CNTN5: variants seen among roughly 807,000 people sequenced by gnomAD.
CNTN5 encodes the protein contactin-5.
Under a neutral mutation model 129.1 loss-of-function variants are expected in CNTN5, and 77 were observed. The ratio of observed to expected loss-of-function variants is 0.60; its 90% CI spans 0.50 to 0.72. CNTN5 has a LOEUF of 0.72. Ranked by LOEUF, CNTN5 falls within the 30% of genes least tolerant of loss-of-function variation. The pLI, the probability that CNTN5 is intolerant of heterozygous loss-of-function variation, is 0.00. For synonymous variants in CNTN5, 509 were observed against 465.6 expected (o/e 1.09, Z -1.20); for missense variants, 1,478 against 1,328.8 (o/e 1.11, Z -1.75).
chr11:99,735,180 A>T (rs547487623), intron 3 of CNTN5, among the ~76,000 whole-genome samples: 1 of 151,554 alleles, frequency 6.6e-6, no homozygotes, highest in Non-Finnish European at 1.5e-5. Context: ...TTTAGAAGAG[A>T]TTACGTTCTA....
chr11:99,771,470 A>G (rs1046707579), intron 3 of CNTN5, among the ~76,000 whole-genome samples: 2 of 152,080 alleles, frequency 1.3e-5, no homozygotes, highest in African/African-American at 4.8e-5. Context: ...ATTTGGCCAT[A>G]ACAAGCAAGA....
At position 99,882,510 on chromosome 11, in the gene CNTN5, C is replaced by A. The variant is rs1056593558; in HGVS notation, c.578-33544C>A. Reference sequence around the variant, plus strand: ...CAGCAGTAAAACATTCTGAGTAAATCTGAACACAATTTTGAGAACAAGAGA... The same window carrying A: ...CAGCAGTAAAACATTCTGAGTAAATATGAACACAATTTTGAGAACAAGAGA... On this transcript the variant is annotated intron_variant, in intron 6 of 24. Coordinates refer to ENST00000524871, the MANE Select transcript of CNTN5 (RefSeq NM_014361.4). Among the ~76,000 whole-genome samples, 12 of 152,100 alleles carry A rather than the reference C, an allele frequency of 7.9e-5. 1 individual carries two copies. The highest frequency in any genetic ancestry group is 1.6e-4 in the Non-Finnish European group (11 of 68,016).
chr11:99,203,645 A>C (rs1044164474), intron 1 of CNTN5, among the ~76,000 whole-genome samples: 2 of 151,844 alleles, frequency 1.3e-5, no homozygotes, highest in East Asian at 3.9e-4. Context: ...GTTGGAGTGC[A>C]ATGGCGTGAT....
chr11:99,648,345 T>TAAGTAGTATAGACAGTGTG, intron 3 of CNTN5, among the ~76,000 whole-genome samples: 1 of 151,830 alleles, frequency 6.6e-6, no homozygotes, highest in African/African-American at 2.4e-5. Flanking sequence ...ATCAGGTAAA[T>TAAGTAGTATAGACAGTGTG]GCAAATGAAA....
At chr11:99,683,607 G>C (rs144129912) in intron 3 of CNTN5, among the ~76,000 whole-genome samples, 1 of 151,768 alleles carries the variant, frequency 6.6e-6, no homozygotes, top group Non-Finnish European at 1.5e-5. Flanking sequence ...CATTTTGCCT[G>C]ATCTGGGTAA....
chr11:99,167,919 T>A (rs996544459), intron 1 of CNTN5, among the ~76,000 whole-genome samples: 2 of 151,768 alleles, frequency 1.3e-5, no homozygotes, highest in South Asian at 4.2e-4. Flanking sequence ...AGCCTATTTT[T>A]AAAAATTTAT....
intron 1 of CNTN5, among the ~76,000 whole-genome samples, chr11:99,052,591 C>T (rs1276664685): frequency 6.6e-6 from 1 of 151,812 alleles, no homozygotes; most frequent in Non-Finnish European, 1.5e-5. Context: ...ATATCCCTAT[C>T]ATTTCGTGAA....
intron 3 of CNTN5, among the ~76,000 whole-genome samples, chr11:99,643,098 C>A (rs1951828968): frequency 6.6e-6 from 1 of 152,040 alleles, no homozygotes; most frequent in Non-Finnish European, 1.5e-5. Context: ...GATTTTATTT[C>A]CTTTGGATAT....
At chr11:99,181,653 A>G (rs113269258) in intron 1 of CNTN5, among the ~76,000 whole-genome samples, 1 of 152,184 alleles carries the variant, frequency 6.6e-6, no homozygotes, top group Non-Finnish European at 1.5e-5. Context: ...AATAACAAAA[A>G]TGGAGGGGAG....
chr11:99,333,645 AG>A (rs1866095496), intron 2 of CNTN5, among the ~76,000 whole-genome samples: 1 of 152,032 alleles, frequency 6.6e-6, no homozygotes, highest in African/African-American at 2.4e-5. Flanking sequence ...CAAATCTCTG[AG>A]ATTTTATTTG....
intron 3 of CNTN5, among the ~76,000 whole-genome samples, chr11:99,769,648 G>T (rs184250312): frequency 6.6e-6 from 1 of 152,012 alleles, no homozygotes; most frequent in African/African-American, 2.4e-5. Flanking sequence ...AGCAGCCTGG[G>T]AAACATAGCG....
intron 2 of CNTN5, among the ~76,000 whole-genome samples, chr11:99,346,871 T>C (rs1195529877): frequency 1.3e-5 from 2 of 152,152 alleles, no homozygotes; most frequent in East Asian, 1.9e-4. Context: ...CGTTACCAGA[T>C]ACTGAAGCTG....
chr11:99,480,305 C>A (rs1945542272), intron 2 of CNTN5, among the ~76,000 whole-genome samples: 1 of 152,156 alleles, frequency 6.6e-6, no homozygotes, highest in Non-Finnish European at 1.5e-5. Flanking sequence ...TGTGGAACTG[C>A]CAGTAAGTAG....
intron 3 of CNTN5, among the ~76,000 whole-genome samples, chr11:99,582,577 C>T (rs959008370): frequency 9.2e-5 from 14 of 152,232 alleles, no homozygotes; most frequent in East Asian, 3.9e-4. Flanking sequence ...TCATTCATTT[C>T]GTCTTCCATC....
intron 13 of CNTN5, among the ~76,000 whole-genome samples, chr11:100,123,665 AG>A (rs1222854286): frequency 6.6e-6 from 1 of 152,062 alleles, no homozygotes; most frequent in Non-Finnish European, 1.5e-5. Flanking sequence ...AAATGCTTTG[AG>A]GAACAGAAAA....
At chr11:100,014,189 A>G (rs1476004286) in intron 9 of CNTN5, among the ~76,000 whole-genome samples, 3 of 152,156 alleles carry the variant, frequency 2.0e-5, no homozygotes, top group African/African-American at 7.2e-5. Context: ...GAAAATTTGA[A>G]TATGTGATGA....
chr11:99,656,992 A>T (rs1247246244), intron 3 of CNTN5, among the ~76,000 whole-genome samples: 1 of 152,020 alleles, frequency 6.6e-6, no homozygotes, highest in Non-Finnish European at 1.5e-5. Context: ...TGGACCAAAA[A>T]GTATGTTGCC....
At chr11:99,352,985 T>C (rs1938403061) in intron 2 of CNTN5, among the ~76,000 whole-genome samples, 1 of 152,254 alleles carries the variant, frequency 6.6e-6, no homozygotes, top group South Asian at 2.1e-4. Context: ...CACAGATCCT[T>C]TGAGAGCCGG....
At chr11:99,425,328 G>A (rs1604911) in intron 2 of CNTN5, among the ~76,000 whole-genome samples, 9,586 of 152,208 alleles carry the variant, frequency 0.063, 343 homozygotes, top group Middle Eastern at 0.095. Flanking sequence ...TTGGAGGTAG[G>A]GTTTCACTGA....
Sources: gnomAD v4.1 joint callset for allele counts (sites outside exome capture counted in the v4.1 genomes callset) on GRCh38, gnomAD v4.1.1 for gene constraint, MANE v1.5 for transcripts, NCBI Gene and HGNC (gene_info 2026-07-23, HGNC 2026-07-21) for gene names.